The following LDB2 variants were observed in gnomAD, a reference collection of about 807,000 sequenced individuals.
LDB2 encodes the protein LIM domain-binding protein 2.
A neutral mutation model predicts 44.3 loss-of-function variants in LDB2; 12 were observed. That is an observed-to-expected ratio of 0.27 (90% CI 0.17 to 0.44). The LOEUF (loss-of-function observed/expected upper bound fraction) is 0.44, where lower values mean the gene tolerates loss of function less well. Among genes scored for constraint, LDB2 ranks in the 20% least tolerant of loss-of-function variants. The pLI is 1.00. For missense variants in LDB2, 344 were observed against 473.5 expected, an observed-to-expected ratio of 0.73 and a Z score of 2.54; for synonymous variants, 164 against 174.8, an observed-to-expected ratio of 0.94 and a Z score of 0.49.
rs1282001172 is a variant in LDB2 at position 16,759,319 on chromosome 4, A to G, written c.133-59T>C. ...AAAGTGGGAAATATCTCAAAGAGGA[A>G]GAGAAAAGGGAAGAGAAAGAAAAAC... On this transcript the variant is annotated intron_variant, in intron 1 of 7. Transcript: ENST00000304523. 4.0e-6 allele frequency: 5 copies of G among 1,256,182 alleles called. No individual in the cohort carries two copies. In the East Asian group the frequency reaches 1.2e-4, roughly 29 times the overall value. The allele number at this position is 1,256,182 out of a possible 1,614,324, so 77.8% of individuals were successfully genotyped here.
At chr4:16,821,376 A>T (rs1272154381) in intron 1 of LDB2, among the ~76,000 whole-genome samples, 10 of 115,560 alleles carry the variant, frequency 8.7e-5, no homozygotes, top group African/African-American at 2.6e-4. Flanking sequence ...GAATATTTGA[A>T]TTTTTTTTTT....
intron 1 of LDB2, among the ~76,000 whole-genome samples, chr4:16,886,936 G>A (rs1380009775): frequency 6.6e-6 from 1 of 150,578 alleles, no homozygotes; most frequent in South Asian, 2.1e-4. Context: ...GTGAGGCTGA[G>A]GCAGGAGAAT....
chr4:16,545,801 G>C (rs549006178), intron 5 of LDB2, among the ~76,000 whole-genome samples: 1 of 152,134 alleles, frequency 6.6e-6, no homozygotes, highest in Non-Finnish European at 1.5e-5. Flanking sequence ...CCATCTTTAC[G>C]CAAGAATGCT....
Position 16,810,626 on chromosome 4 carries a change from A to G in LDB2, c.133-51366T>C, listed in dbSNP as rs913722569. On this transcript the variant is annotated intron_variant, in intron 1 of 7. Transcript: ENST00000304523. Reference sequence around the variant, plus strand: ...CTATGAACACCCCAAACAGGAATTGAACTGGGGTTCAAATTCATGGTTATG... The same window carrying G: ...CTATGAACACCCCAAACAGGAATTGGACTGGGGTTCAAATTCATGGTTATG... Among the ~76,000 whole-genome samples the G allele has an allele frequency of 2.6e-3, 85 of 32,226 alleles. 4 individuals are homozygous for G. Among genetic ancestry groups the G allele is most frequent in the African/African-American group, 4.4e-3 (80 of 18,300 alleles). The allele number at this position is 32,226 out of a possible 152,430, so 21.1% of individuals were successfully genotyped here.
At chr4:16,791,572 A>AAAAAAAAAAAAAAAAAAAACAG (rs1554021638) in intron 1 of LDB2, among the ~76,000 whole-genome samples, 1 of 150,560 alleles carries the variant, frequency 6.6e-6, no homozygotes, top group Non-Finnish European at 1.5e-5. Flanking sequence ...AAAAAAAAAA[A>AAAAAAAAAAAAAAAAAAAACAG]GAAAGACAGC....
chr4:16,826,100 A>G (rs1233447151), intron 1 of LDB2, among the ~76,000 whole-genome samples: 1 of 143,000 alleles, frequency 7.0e-6, no homozygotes, highest in East Asian at 1.9e-4. Flanking sequence ...GACTAGATAG[A>G]GAAATATTAA....
intron 5 of LDB2, among the ~76,000 whole-genome samples, chr4:16,568,883 C>G (rs1745455918): frequency 6.6e-6 from 1 of 152,210 alleles, no homozygotes; most frequent in Admixed American, 6.5e-5. Flanking sequence ...ACTGTCGAAG[C>G]CTGACCCCTC....
chr4:16,849,537 G>A (rs1787771397), intron 1 of LDB2, among the ~76,000 whole-genome samples: 1 of 152,104 alleles, frequency 6.6e-6, no homozygotes, highest in African/African-American at 2.4e-5. Flanking sequence ...ATGTCTAAAG[G>A]GCCTGGTGGC....
At chr4:16,865,135 C>T (rs1362465745) in intron 1 of LDB2, among the ~76,000 whole-genome samples, 2 of 151,966 alleles carry the variant, frequency 1.3e-5, no homozygotes, top group East Asian at 3.9e-4. Flanking sequence ...GCCTGTAGTC[C>T]CAGCTCCTAG....
chr4:16,502,567 T>G lies in LDB2; in HGVS notation c.*76A>C. Reference sequence around the variant, plus strand: ...AAAAGTTTTTATCTCTTCTGTTTCCTCTCCTGTAAGTAAAGATTTGCAATT... The same window carrying G: ...AAAAGTTTTTATCTCTTCTGTTTCCGCTCCTGTAAGTAAAGATTTGCAATT... On this transcript the variant is annotated 3_prime_UTR_variant, in exon 8 of 8. Coordinates refer to ENST00000304523, the MANE Select transcript of LDB2 (RefSeq NM_001290.5). 6.4e-7 allele frequency: 1 copy of G among 1,562,482 alleles called. No individual in the cohort carries two copies. The highest frequency in any genetic ancestry group is 2.3e-5 in the East Asian group (1 of 43,990).
At chr4:16,538,054 C>T (rs1732454619) in intron 5 of LDB2, among the ~76,000 whole-genome samples, 1 of 152,210 alleles carries the variant, frequency 6.6e-6, no homozygotes, top group Non-Finnish European at 1.5e-5. Flanking sequence ...ATTCAGGTGC[C>T]TGAGGAGGCT....
intron 5 of LDB2, among the ~76,000 whole-genome samples, chr4:16,531,351 A>G (rs903100329): frequency 2.0e-5 from 3 of 152,220 alleles, no homozygotes; most frequent in Non-Finnish European, 2.9e-5. Context: ...TCTTTCAGAA[A>G]CAGGAAACAA....
intron 2 of LDB2, among the ~76,000 whole-genome samples, chr4:16,739,681 T>TATAC (rs1762752571): frequency 1.2e-5 from 1 of 86,860 alleles, no homozygotes; most frequent in Non-Finnish European, 2.2e-5. Context: ...CATATGTGTG[T>TATAC]ATATATGTAT....
chr4:16,743,226 T>G (rs58903445), intron 2 of LDB2, among the ~76,000 whole-genome samples: 13,048 of 151,826 alleles, frequency 0.086, 846 homozygotes, highest in East Asian at 0.38. Flanking sequence ...GGAGGCGGAG[T>G]TTGCAGTGAG....
rs369318315 is a variant in LDB2, at chr4:16,585,910, G to C, written c.615+12C>G. 2 of 1,603,344 alleles carry C rather than the reference G, an allele frequency of 1.2e-6. No homozygotes were observed. The highest frequency in any genetic ancestry group is 1.3e-5 in the African/African-American group (1 of 74,668). On this transcript the variant is annotated intron_variant, in intron 5 of 7. Coordinates refer to ENST00000304523, the MANE Select transcript of LDB2 (RefSeq NM_001290.5). ...AACTCACCAAAAAATAAAATCATTC[G>C]ATTGATCTTACCCTGAGGTAGTTGA...
chr4:16,844,225 G>A (rs1345086276), intron 1 of LDB2, among the ~76,000 whole-genome samples: 1 of 119,542 alleles, frequency 8.4e-6, no homozygotes, highest in South Asian at 2.8e-4. Context: ...TCTAGCCTGG[G>A]AGACAGAGAC....
At chr4:16,505,995 T>C in intron 7 of LDB2, 1 of 1,550,256 alleles carries the variant, frequency 6.5e-7, no homozygotes, top group Non-Finnish European at 8.7e-7. Context: ...GCTCATGGAG[T>C]GAGAAGCAGA....
intron 1 of LDB2, among the ~76,000 whole-genome samples, chr4:16,867,510 G>A (rs1164726626): frequency 1.3e-5 from 2 of 152,056 alleles, no homozygotes; most frequent in Non-Finnish European, 2.9e-5. Flanking sequence ...GTTCTTTCAT[G>A]CCAATAGAAA....
chr4:16,586,521 C>A (rs1167739324), intron 4 of LDB2, among the ~76,000 whole-genome samples: 14 of 86,352 alleles, frequency 1.6e-4, no homozygotes, highest in African/African-American at 5.5e-4. Context: ...CACACACACA[C>A]ACACAAAACA....
Sources: allele counts gnomAD v4.1 joint callset (sites outside exome capture counted in the v4.1 genomes callset), GRCh38; gene constraint gnomAD v4.1.1; transcripts MANE v1.5; gene names NCBI Gene and HGNC (gene_info 2026-07-23, HGNC 2026-07-21).